The following PDZRN4 variants were observed in gnomAD, a reference collection of about 807,000 sequenced individuals.
PDZRN4 encodes PDZ domain-containing RING finger protein 4.
In PDZRN4, 70 loss-of-function variants were observed where a neutral mutation model predicts 99.0. The ratio of observed to expected loss-of-function variants is 0.71; its 90% CI spans 0.58 to 0.86. PDZRN4 has a LOEUF of 0.86. Among genes scored for constraint, PDZRN4 ranks in the 40% least tolerant of loss-of-function variants. The pLI is 0.00. For synonymous variants in PDZRN4, 551 were observed against 501.6 expected (o/e 1.10, Z -1.32); for missense variants, 1,474 against 1,331.2 (o/e 1.11, Z -1.67).
At chr12:41,388,522 A>T (rs1952187805) in intron 3 of PDZRN4, among the ~76,000 whole-genome samples, 1 of 152,186 alleles carries the variant, frequency 6.6e-6, no homozygotes, top group African/African-American at 2.4e-5. Flanking sequence ...ATCTCTTGTG[A>T]TATCTGCTTT....
intron 3 of PDZRN4, among the ~76,000 whole-genome samples, chr12:41,493,904 G>T (rs1306964583): frequency 1.3e-5 from 2 of 148,276 alleles, no homozygotes; most frequent in East Asian, 4.1e-4. Flanking sequence ...AAAATAATGG[G>T]GGGGGGGATT....
intron 3 of PDZRN4, among the ~76,000 whole-genome samples, chr12:41,233,664 C>T (rs1951045549): frequency 6.6e-6 from 1 of 152,034 alleles, no homozygotes; most frequent in African/African-American, 2.4e-5. Context: ...TGGAAACCAT[C>T]ATTCTCAGCA....
intron 3 of PDZRN4, among the ~76,000 whole-genome samples, chr12:41,310,956 GC>G (rs1565548379): frequency 2.0e-5 from 3 of 152,024 alleles, no homozygotes; most frequent in African/African-American, 7.2e-5. Context: ...TCTACTATCA[GC>G]TTTCTCTGAT....
intron 3 of PDZRN4, among the ~76,000 whole-genome samples, chr12:41,215,867 T>C (rs2120711327): frequency 6.6e-6 from 1 of 151,612 alleles, no homozygotes; most frequent in African/African-American, 2.4e-5. Context: ...TTTTTTAATC[T>C]GTCATTGAAT....
At chr12:41,317,481 T>G (rs575968938) in intron 3 of PDZRN4, among the ~76,000 whole-genome samples, 2 of 152,190 alleles carry the variant, frequency 1.3e-5, no homozygotes, top group Admixed American at 1.3e-4. Flanking sequence ...TCTAAAAAAA[T>G]GCCTTCAGAG....
Position 41,284,009 on chromosome 12 carries a change from G to A in PDZRN4, c.843+89821G>A, listed in dbSNP as rs1951406009. ...AACATGGTATTGGAAGTTCTGGCCA[G>A]GGTAATCAGGCAAGAGAAAGAAATA... On this transcript the variant is annotated intron_variant, in intron 3 of 9. Coordinates refer to ENST00000402685, the MANE Select transcript of PDZRN4 (RefSeq NM_001164595.2). 2.6e-5 allele frequency among the ~76,000 whole-genome samples: 4 copies of A among 152,166 alleles called. 1 individual carries two copies. In the South Asian group the frequency reaches 8.3e-4, roughly 32 times the overall value.
At chr12:41,228,849 GT>G (rs1951012203) in intron 3 of PDZRN4, among the ~76,000 whole-genome samples, 2 of 152,026 alleles carry the variant, frequency 1.3e-5, no homozygotes, top group South Asian at 2.1e-4. Flanking sequence ...AACTCTTTGT[GT>G]TTTTATATGT....
intron 3 of PDZRN4, among the ~76,000 whole-genome samples, chr12:41,482,207 C>T (rs1473885788): frequency 2.0e-5 from 3 of 152,020 alleles, no homozygotes; most frequent in Non-Finnish European, 2.9e-5. Context: ...CGCAGCAAAA[C>T]CTAAGGTGGA....
intron 3 of PDZRN4, among the ~76,000 whole-genome samples, chr12:41,389,353 G>A (rs2121115551): frequency 6.6e-6 from 1 of 152,118 alleles, no homozygotes; most frequent in Non-Finnish European, 1.5e-5. Context: ...GCATTCTCTA[G>A]GCTTTTAAAT....
At chr12:41,555,899 T>G (rs932090915) in intron 7 of PDZRN4, 139 bp downstream of exon 7, 3 of 665,532 alleles carry the variant, frequency 4.5e-6, no homozygotes, top group African/African-American at 3.7e-5. Context: ...AAAAAAAAAG[T>G]GCTGTCATTT....
At chr12:41,363,511 C>T (rs1469976023) in intron 3 of PDZRN4, among the ~76,000 whole-genome samples, 1 of 152,000 alleles carries the variant, frequency 6.6e-6, no homozygotes, top group African/African-American at 2.4e-5. Flanking sequence ...TGTATTTATT[C>T]AGGATGTAAC....
chr12:41,478,567 A>G (rs980537092), intron 3 of PDZRN4, among the ~76,000 whole-genome samples: 9 of 152,206 alleles, frequency 5.9e-5, no homozygotes, highest in African/African-American at 1.7e-4. Flanking sequence ...CCTGTTGTCA[A>G]TTTAAATGAA....
At chr12:41,335,184 C>A (rs1004788910) in intron 3 of PDZRN4, among the ~76,000 whole-genome samples, 1 of 151,454 alleles carries the variant, frequency 6.6e-6, no homozygotes, top group East Asian at 1.9e-4. Context: ...AGAATATTGA[C>A]AAAGTGTTTG....
intron 3 of PDZRN4, among the ~76,000 whole-genome samples, chr12:41,489,573 A>T (rs1937843866): frequency 1.3e-5 from 2 of 152,140 alleles, no homozygotes; most frequent in Non-Finnish European, 2.9e-5. Flanking sequence ...TAGTATAAGC[A>T]ATGAGGGGCA....
intron 3 of PDZRN4, among the ~76,000 whole-genome samples, chr12:41,254,354 C>T (rs79508414): frequency 0.032 from 4,917 of 152,038 alleles, 145 homozygotes; most frequent in East Asian, 0.12. Flanking sequence ...CTTCAGGAGA[C>T]GAAGTAAGAT....
chr12:41,255,327 G>T lies in PDZRN4; in HGVS notation c.843+61139G>T, dbSNP rs1477009436. ...CAGAATATGTAAAGATTAATATAGA[G>T]TTCGATAATTAAGCCAAGACAACAG... On this transcript the variant is annotated intron_variant, in intron 3 of 9. Coordinates refer to ENST00000402685, the MANE Select transcript of PDZRN4 (RefSeq NM_001164595.2). Among the ~76,000 whole-genome samples the T allele has an allele frequency of 2.0e-5, 3 of 152,176 alleles. No individual in the cohort carries two copies. In the East Asian group the frequency reaches 5.8e-4, roughly 29 times the overall value.
intron 3 of PDZRN4, among the ~76,000 whole-genome samples, chr12:41,426,071 T>A (rs1034689043): frequency 2.0e-5 from 3 of 152,216 alleles, no homozygotes; most frequent in Non-Finnish European, 4.4e-5. Flanking sequence ...AAAATTGTTT[T>A]TGTTTTTAAA....
At chr12:41,460,694 T>C (rs1952863840) in intron 3 of PDZRN4, among the ~76,000 whole-genome samples, 1 of 152,250 alleles carries the variant, frequency 6.6e-6, no homozygotes. Context: ...ACAAACCATA[T>C]ATACGTAGAT....
intron 3 of PDZRN4, chr12:41,477,954 A>G: frequency 1.5e-6 from 2 of 1,324,718 alleles, no homozygotes; most frequent in Non-Finnish European, 2.1e-6. Flanking sequence ...TCATCATATT[A>G]TTCTCTTGCT....
Sources: gnomAD v4.1 joint callset for allele counts (sites outside exome capture counted in the v4.1 genomes callset) on GRCh38, gnomAD v4.1.1 for gene constraint, MANE v1.5 for transcripts, NCBI Gene and HGNC (gene_info 2026-07-23, HGNC 2026-07-21) for gene names.